Variants in OPCML observed in about 807,000 individuals in gnomAD.
OPCML encodes the protein opioid binding protein/cell adhesion molecule like, also known as opioid-binding protein/cell adhesion molecule.
A neutral mutation model predicts 37.8 loss-of-function variants in OPCML; 13 were observed. That is an observed-to-expected ratio of 0.34 (90% CI 0.22 to 0.55). OPCML has a LOEUF of 0.55. Among genes scored for constraint, OPCML ranks in the 20% least tolerant of loss-of-function variants. OPCML has a pLI of 0.91. For synonymous variants in OPCML, 176 were observed against 168.8 expected, an observed-to-expected ratio of 1.04 and a Z score of -0.33; for missense variants, 341 against 435.6, an observed-to-expected ratio of 0.78 and a Z score of 1.93.
intron 2 of OPCML, among the ~76,000 whole-genome samples, chr11:132,669,306 T>C (rs1353347203): frequency 2.6e-5 from 4 of 151,984 alleles, no homozygotes; most frequent in Non-Finnish European, 5.9e-5. Context: ...CATGGAGTGA[T>C]GGGAATCAGA....
At chr11:132,440,293 A>G (rs779601775) in intron 4 of OPCML, among the ~76,000 whole-genome samples, 54 of 152,124 alleles carry the variant, frequency 3.5e-4, no homozygotes, top group Non-Finnish European at 6.8e-4. Flanking sequence ...AGTTTGTACA[A>G]TGTGCTTCTC....
In OPCML at chr11:133,140,982, A is replaced by AGACGACGACGACGACGACGAAGACGAC. The variant is rs1949799510; in HGVS notation, c.62-197973_62-197972insGTCGTCTTCGTCGTCGTCGTCGTCGTC. On this transcript the variant is annotated intron_variant, in intron 1 of 7. Transcript: ENST00000524381. ...AAGAAGAAGAAGAAGAAGAAGAAGA[A>AGACGACGACGACGACGACGAAGACGAC]GAAGAAGAAGAAGAAGACGACGACG... Among the ~76,000 whole-genome samples the AGACGACGACGACGACGACGAAGACGAC allele has an allele frequency of 7.4e-4, 3 of 4,032 alleles. 1 individual carries two copies. Among genetic ancestry groups the AGACGACGACGACGACGACGAAGACGAC allele is most frequent in the African/African-American group, 1.2e-3 (3 of 2,410 alleles). 2.6% of individuals were successfully genotyped at this position (4,032 alleles called of 152,430 possible).
chr11:132,462,180 G>A (rs2096104421), intron 4 of OPCML, among the ~76,000 whole-genome samples: 1 of 152,162 alleles, frequency 6.6e-6, no homozygotes. Context: ...GTCCACTGGA[G>A]AATTACTTGC....
At chr11:132,437,480 A>ATC in intron 4 of OPCML, 121 bp from the exon 5 acceptor site, 1 of 1,501,276 alleles carries the variant, frequency 6.7e-7, no homozygotes, top group Non-Finnish European at 8.8e-7. Context: ...GGAGTAGGAC[A>ATC]TCAAGTCAAA....
At chr11:132,442,272 T>C (rs896888069) in intron 4 of OPCML, among the ~76,000 whole-genome samples, 2 of 152,196 alleles carry the variant, frequency 1.3e-5, no homozygotes, top group Non-Finnish European at 1.5e-5. Context: ...AACAGATTTA[T>C]TAGAGCTGAG....
chr11:132,897,753 A>G (rs1172156608), intron 2 of OPCML, among the ~76,000 whole-genome samples: 1 of 152,174 alleles, frequency 6.6e-6, no homozygotes. Context: ...TGCTTAGAGG[A>G]AAAATGGCCA....
At chr11:132,427,199 G>A (rs2095980505) in intron 7 of OPCML, among the ~76,000 whole-genome samples, 1 of 152,188 alleles carries the variant, frequency 6.6e-6, no homozygotes, top group African/African-American at 2.4e-5. Context: ...TGACAGCACA[G>A]TGAGATTAAT....
At chr11:132,802,033 C>T (rs1328907387) in intron 2 of OPCML, among the ~76,000 whole-genome samples, 1 of 152,146 alleles carries the variant, frequency 6.6e-6, no homozygotes, top group Non-Finnish European at 1.5e-5. Context: ...CCTTCACCAT[C>T]TAAGTAAATA....
chr11:133,503,707 C>G (rs1947965459), intron 1 of OPCML, among the ~76,000 whole-genome samples: 1 of 152,184 alleles, frequency 6.6e-6, no homozygotes, highest in South Asian at 2.1e-4. Flanking sequence ...GGAGCTTTCC[C>G]AGTTTGACCT....
At chr11:132,507,503 A>G (rs1450340952) in intron 4 of OPCML, among the ~76,000 whole-genome samples, 2 of 151,990 alleles carry the variant, frequency 1.3e-5, no homozygotes, top group African/African-American at 4.8e-5. Flanking sequence ...ATAAATATCT[A>G]TAAACTTGAC....
At chr11:132,788,583 C>A (rs553217878) in intron 2 of OPCML, among the ~76,000 whole-genome samples, 18 of 152,224 alleles carry the variant, frequency 1.2e-4, no homozygotes, top group Admixed American at 1.0e-3. Context: ...CATCATCATC[C>A]CCATCAGCAT....
At chr11:133,232,085 T>C (rs1940303473) in intron 1 of OPCML, among the ~76,000 whole-genome samples, 4 of 152,192 alleles carry the variant, frequency 2.6e-5, no homozygotes, top group Non-Finnish European at 5.9e-5. Context: ...CTCAGAACTC[T>C]GAACTTTTAG....
intron 3 of OPCML, among the ~76,000 whole-genome samples, chr11:132,560,749 A>T (rs537451337): frequency 2.0e-5 from 3 of 152,046 alleles, no homozygotes; most frequent in Admixed American, 2.0e-4. Flanking sequence ...CTGTCTATTC[A>T]TGTTCTTAGC....
At chr11:132,517,484 C>T (rs2096282623) in intron 4 of OPCML, among the ~76,000 whole-genome samples, 1 of 152,174 alleles carries the variant, frequency 6.6e-6, no homozygotes, top group Non-Finnish European at 1.5e-5. Flanking sequence ...CCAGAGGTGG[C>T]TGCAGTATGT....
intron 4 of OPCML, among the ~76,000 whole-genome samples, chr11:132,454,113 A>G (rs959727378): frequency 1.3e-4 from 20 of 152,240 alleles, no homozygotes; most frequent in African/African-American, 4.6e-4. Flanking sequence ...TTAAGAAACC[A>G]GGACTGGCAA....
chr11:133,506,452 C>T lies in OPCML; in HGVS notation c.61+25812G>A, dbSNP rs373125961. ...CTTTGCTGACATGAGCTCACTAATCCCCAAAAGCTTCCAGCACAATATGTG... is the reference window on the plus strand; with the variant it reads ...CTTTGCTGACATGAGCTCACTAATCTCCAAAAGCTTCCAGCACAATATGTG... On this transcript the variant is annotated intron_variant, in intron 1 of 7. Transcript: ENST00000524381. Among the ~76,000 whole-genome samples the T allele has an allele frequency of 2.6e-4, 40 of 152,284 alleles. No homozygotes were observed. The South Asian group carries it at 5.2e-3, about 20-fold the overall frequency.
At chr11:132,437,117 G>T (rs1442891991) in intron 5 of OPCML, 105 bp downstream of exon 5, 2 of 1,498,576 alleles carry the variant, frequency 1.3e-6, no homozygotes, top group Non-Finnish European at 1.8e-6. Context: ...TTTCCTGTTG[G>T]CAGGAACCTG....
chr11:132,914,109 G>A (rs1253009574), intron 2 of OPCML, among the ~76,000 whole-genome samples: 2 of 152,208 alleles, frequency 1.3e-5, no homozygotes, highest in East Asian at 3.9e-4. Flanking sequence ...GCTGCGAGGA[G>A]GTAAGAGGGA....
At chr11:133,065,431 TC>T (rs1486948338) in intron 1 of OPCML, 1 of 152,130 alleles carries the variant, frequency 6.6e-6, no homozygotes, top group African/African-American at 2.4e-5. Flanking sequence ...ATGGGTCGTC[TC>T]CAAGGCGCTG....
Sources: gnomAD v4.1 joint callset for allele counts (sites outside exome capture counted in the v4.1 genomes callset) on GRCh38, gnomAD v4.1.1 for gene constraint, MANE v1.5 for transcripts, NCBI Gene and HGNC (gene_info 2026-07-23, HGNC 2026-07-21) for gene names.